SETD1B: variants seen among roughly 807,000 people sequenced by gnomAD.
SETD1B encodes the protein SET domain containing 1B, histone lysine methyltransferase.
SETD1B carries 7 observed loss-of-function variants against 148.0 expected under a neutral mutation model. The observed-to-expected ratio is 0.05, with a 90% confidence interval of 0.03 to 0.09. The LOEUF (loss-of-function observed/expected upper bound fraction) is 0.09, where lower values mean the gene tolerates loss of function less well. Among genes scored for constraint, SETD1B ranks in the 10% least tolerant of loss-of-function variants. The pLI, the probability that SETD1B is intolerant of heterozygous loss-of-function variation, is 1.00. For missense variants in SETD1B, 2,155 were observed against 2,729.9 expected (o/e 0.79, Z 4.69); for synonymous variants, 1,361 against 1,186.5 (o/e 1.15, Z -3.02).
At position 121,808,932 on chromosome 12, in the gene SETD1B, C is replaced by T. The variant is rs1422958185; in HGVS notation, c.657+612C>T. Among the ~76,000 whole-genome samples, 2 of 152,144 alleles carry T rather than the reference C, an allele frequency of 1.3e-5. No individual in the cohort carries two copies. The highest frequency in any genetic ancestry group is 2.4e-5 in the African/African-American group (1 of 41,410). On this transcript the variant is annotated intron_variant, in intron 5 of 16. Coordinates refer to ENST00000604567, the MANE Select transcript of SETD1B (RefSeq NM_001353345.2). The surrounding 1 kb of genome is among the most constrained non-coding windows in gnomAD (Gnocchi z 5.3). ...GTCCCCAGGCTGGAGTGCAGTGGTGCGATCTCAGCTCACTGCAAGCTCCAC... is the reference window on the plus strand; with the variant it reads ...GTCCCCAGGCTGGAGTGCAGTGGTGTGATCTCAGCTCACTGCAAGCTCCAC...
At chr12:121,795,609 C>G in the SETD1B span, 1 of 152,296 alleles carries the variant, frequency 6.6e-6, no homozygotes, top group African/African-American at 2.4e-5. Flanking sequence ...AGCAGAGCAA[C>G]CCAGCTACCA....
At chr12:121,809,511 T>G in intron 5 of SETD1B, 92 bp from the exon 6 acceptor site, 8 of 1,388,310 alleles carry the variant, frequency 5.8e-6, no homozygotes, top group Non-Finnish European at 7.7e-6. Context: ...AGTTTGGCTC[T>G]GAGCTTCCCA....
chr12:121,821,186 C>G (rs1876550624), intron 11 of SETD1B, among the ~76,000 whole-genome samples: 1 of 152,176 alleles, frequency 6.6e-6, no homozygotes, highest in East Asian at 1.9e-4. Flanking sequence ...TCTATTGTGT[C>G]CCTGCTATTA....
the SETD1B span, chr12:121,797,978 G>C: frequency 4.4e-6 from 1 of 227,840 alleles, no homozygotes; most frequent in Admixed American, 5.3e-5. Flanking sequence ...GGGGATTGAA[G>C]ACCCAGCCCT....
In SETD1B at chr12:121,830,039, T is replaced by C; in HGVS notation, c.5728-27T>C. ...TGGGGGACCCTGGGGGACCAGGGGC[T>C]CATTCTCCCCCCCACCTTGCCTGCA... On this transcript the variant is annotated intron_variant, in intron 16 of 16. Coordinates refer to ENST00000604567, the MANE Select transcript of SETD1B (RefSeq NM_001353345.2). The surrounding 1 kb of genome is among the most constrained non-coding windows in gnomAD (Gnocchi z 5.7). 2 of 1,539,912 alleles carry C rather than the reference T, an allele frequency of 1.3e-6. No homozygotes were observed. The highest frequency in any genetic ancestry group is 2.5e-5 in the East Asian group (1 of 40,652).
intron 4 of SETD1B, among the ~76,000 whole-genome samples, chr12:121,807,175 G>T (rs1207426194): frequency 6.6e-6 from 1 of 152,064 alleles, no homozygotes; most frequent in Non-Finnish European, 1.5e-5. Flanking sequence ...GTGCCGGGGG[G>T]TGGTGGCAGT....
chr12:121,819,285 A>G (rs925122290), intron 10 of SETD1B, 119 bp from the exon 11 acceptor site: 8 of 1,495,582 alleles, frequency 5.3e-6, no homozygotes, highest in Admixed American at 2.7e-5. Flanking sequence ...CCCCACACAC[A>G]TATCTGAGGG....
At position 121,808,104 on chromosome 12, in the gene SETD1B, T is replaced by G; in HGVS notation, c.545-104T>G. The G allele has an allele frequency of 1.2e-6, 1 of 808,566 alleles. No homozygotes were observed. The highest frequency in any genetic ancestry group is 2.0e-6 in the Non-Finnish European group (1 of 498,144). 50.1% of individuals were successfully genotyped at this position (808,566 alleles called of 1,614,324 possible). A position where few individuals can be genotyped will look rare whatever the true frequency, so the allele number is the denominator to read the frequency against. Reference sequence around the variant, plus strand: ...ACACAGCCTCCCTAGGACTGGGGTCTCGGGCACAAGGGACCCACCAGGGTG... The same window carrying G: ...ACACAGCCTCCCTAGGACTGGGGTCGCGGGCACAAGGGACCCACCAGGGTG... On this transcript the variant is annotated intron_variant, in intron 4 of 16. Coordinates refer to ENST00000604567, the MANE Select transcript of SETD1B (RefSeq NM_001353345.2). The surrounding 1 kb of genome is among the most constrained non-coding windows in gnomAD (Gnocchi z 5.3).
At chr12:121,829,965 T>C (rs1877015215) in intron 16 of SETD1B, 101 bp from the exon 17 acceptor site, 2 of 1,096,064 alleles carry the variant, frequency 1.8e-6, no homozygotes, top group Non-Finnish European at 2.6e-6. Flanking sequence ...TCACGTGGCA[T>C]GTCAGGCCTT....
Position 121,805,799 on chromosome 12 carries a change from G to T in SETD1B, c.274-36G>T. ...GTTGTGTTTTCCCTTAGGTTTAAAC[G>T]TTCTTCAAACTCCCTTCCCCCTCGG... On this transcript the variant is annotated intron_variant, in intron 3 of 16. Coordinates refer to ENST00000604567, the MANE Select transcript of SETD1B (RefSeq NM_001353345.2). This position sits in a 1 kb window ranked among gnomAD's most constrained non-coding sequence, Gnocchi z 4.2. The T allele has an allele frequency of 6.5e-7, 1 of 1,537,082 alleles. No individual in the cohort carries two copies. The highest frequency in any genetic ancestry group is 8.8e-7 in the Non-Finnish European group (1 of 1,138,162).
At chr12:121,800,368 C>G (rs1471899105), upstream of SETD1B, 1 of 152,146 alleles carries the variant, frequency 6.6e-6, no homozygotes, top group Non-Finnish European at 1.5e-5. Context: ...GGGGCGACCC[C>G]CCGCCCCGCG....
chr12:121,793,584 C>T, the SETD1B span: 1 of 1,553,024 alleles, frequency 6.4e-7, no homozygotes, highest in Non-Finnish European at 8.7e-7. Flanking sequence ...CAGCTCCTTC[C>T]TGCCCGGACC....
Position 121,805,748 on chromosome 12 carries a change from C to T in SETD1B, c.274-87C>T. The T allele has an allele frequency of 1.6e-6, 2 of 1,261,548 alleles. No homozygotes were observed. The highest frequency in any genetic ancestry group is 1.6e-5 in the South Asian group (1 of 61,902). 78.1% of individuals were successfully genotyped at this position (1,261,548 alleles called of 1,614,324 possible). A position where few individuals can be genotyped will look rare whatever the true frequency, so the allele number is the denominator to read the frequency against. ...CCCTTTATTGTTTTCAACGGGTGGG[C>T]GAGTTGCGGGCGGGGCGGGGGGGAT... is the stretch of plus-strand genomic sequence containing the variant. On this transcript the variant is annotated intron_variant, in intron 3 of 16. Coordinates refer to ENST00000604567, the MANE Select transcript of SETD1B (RefSeq NM_001353345.2). This position sits in a 1 kb window ranked among gnomAD's most constrained non-coding sequence, Gnocchi z 4.2.
chr12:121,824,376 A>G (rs1000741266), intron 12 of SETD1B, among the ~76,000 whole-genome samples: 3 of 152,164 alleles, frequency 2.0e-5, no homozygotes, highest in Non-Finnish European at 2.9e-5. Context: ...GCCGGGCACC[A>G]TGGCTCACAG....
the SETD1B span, chr12:121,797,240 G>A: frequency 5.5e-6 from 2 of 360,546 alleles, no homozygotes; most frequent in Non-Finnish European, 1.1e-5. Flanking sequence ...GGGCGGAGAG[G>A]CCGGAAGAGG....
In SETD1B at chr12:121,825,275, G is replaced by C. The variant is rs780756460; in HGVS notation, c.5246G>C (p.Ser1749Thr). Reference sequence around the variant, plus strand: ...GAGCACGTGACGGGCTGTGCCCGCAGTGAGGGCTTCTACACCATCGACAAG... The same window carrying C: ...GAGCACGTGACGGGCTGTGCCCGCACTGAGGGCTTCTACACCATCGACAAG... The part of the protein sequence containing the change: ...IREHVTGCAR[S>T]EGFYTIDKKD... The change falls in exon 13 of 17, where the codon AGT becomes ACT. Residue 1749 changes from serine (S) to threonine (T), a missense_variant. Coordinates refer to ENST00000604567, the MANE Select transcript of SETD1B (RefSeq NM_001353345.2). The C allele has an allele frequency of 1.3e-6, 2 of 1,551,862 alleles. No homozygotes were observed. Among genetic ancestry groups the C allele is most frequent in the South Asian group, 1.2e-5 (1 of 84,064 alleles).
chr12:121,810,447 C>G lies in SETD1B; in HGVS notation c.1502C>G (p.Ser501Trp). 1 of 1,549,150 alleles carries G rather than the reference C, an allele frequency of 6.5e-7. No homozygotes were observed. Among genetic ancestry groups the G allele is most frequent in the South Asian group, 1.2e-5 (1 of 84,078 alleles). Reference sequence around the variant, plus strand: ...GAGAAACCCCACGACAGCCTGGACTCGCGCATCGAGATGCTGCTGAAGGAG... The same window carrying G: ...GAGAAACCCCACGACAGCCTGGACTGGCGCATCGAGATGCTGCTGAAGGAG... Reference protein sequence around the residue: ...GPEKPHDSLDSRIEMLLKEQR... With the variant: ...GPEKPHDSLDWRIEMLLKEQR... Residue 501 changes from serine to tryptophan, a missense_variant, in exon 6 of 17, where the codon TCG becomes TGG. Physicochemically the swap from Ser to Trp is radical, Grantham distance 177. Around this residue, in one of 11 missense-constraint regions of SETD1B, gnomAD observed 376 missense variants for 385.0 expected, o/e 0.98. Transcript: ENST00000604567. The surrounding 1 kb of genome is among the most constrained non-coding windows in gnomAD (Gnocchi z 7.6).
rs567761802 is a variant in SETD1B, at chr12:121,817,955, C to G, written c.3418+51C>G. The G allele has an allele frequency of 2.0e-6, 3 of 1,469,588 alleles. No individual in the cohort carries two copies. Among genetic ancestry groups the G allele is most frequent in the Non-Finnish European group, 2.7e-6 (3 of 1,102,146 alleles). The allele number at this position is 1,469,588 out of a possible 1,614,324, so 91.0% of individuals were successfully genotyped here. On this transcript the variant is annotated intron_variant, in intron 10 of 16. Coordinates refer to ENST00000604567, the MANE Select transcript of SETD1B (RefSeq NM_001353345.2). The surrounding 1 kb of genome is among the most constrained non-coding windows in gnomAD (Gnocchi z 8.1). ...GGCCCTCCCGGAGTCCCTCTTTCCC[C>G]GGGGCAGAGCCTGAGCAATTGTCAG...
At chr12:121,806,743 C>T (rs774438762) in intron 4 of SETD1B, among the ~76,000 whole-genome samples, 5 of 152,198 alleles carry the variant, frequency 3.3e-5, no homozygotes, top group Non-Finnish European at 7.4e-5. Flanking sequence ...CCTCCTCTCT[C>T]TTAAAGAGAC....
Sources: allele counts gnomAD v4.1 joint callset (sites outside exome capture counted in the v4.1 genomes callset), GRCh38; gene constraint gnomAD v4.1.1; regional missense constraint gnomAD v4.1.1; non-coding constraint Gnocchi (gnomAD v3.1); transcripts MANE v1.5; gene names NCBI Gene and HGNC (gene_info 2026-07-23, HGNC 2026-07-21).